CDK5RAP2: variants seen among roughly 807,000 people sequenced by gnomAD.
CDK5RAP2 encodes the protein CDK5 regulatory subunit-associated protein 2.
Under a neutral mutation model 232.9 loss-of-function variants are expected in CDK5RAP2, and 147 were observed. That is an observed-to-expected ratio of 0.63 (90% confidence interval 0.55 to 0.72). The LOEUF (loss-of-function observed/expected upper bound fraction) is 0.72. Ranked by LOEUF, CDK5RAP2 falls within the 30% of genes least tolerant of loss-of-function variation. CDK5RAP2 has a pLI of 0.00. For synonymous variants in CDK5RAP2, 833 were observed against 833.7 expected (o/e 1.00, Z 0.01); for missense variants, 2,195 against 2,231.5 (o/e 0.98, Z 0.33).
intron 2 of CDK5RAP2, chr9:120,571,607 G>A (rs1186301592): frequency 2.9e-6 from 1 of 348,188 alleles, no homozygotes; most frequent in Non-Finnish European, 5.6e-6. Context: ...CTGCCAGGAA[G>A]GCCTTGGCAC....
At position 120,557,617 on chromosome 9, in the gene CDK5RAP2, G is replaced by T. The variant is rs577376115; in HGVS notation, c.196-6715C>A. ...CAAAAAATTTTTTAAAAATTAGCTG[G>T]GTATAGTGGCACACACCTGTAGTCC... On this transcript the variant is annotated intron_variant, in intron 3 of 37. Transcript: ENST00000349780. 1.7e-3 allele frequency among the ~76,000 whole-genome samples: 255 copies of T among 151,968 alleles called. 2 individuals carry two copies. The highest frequency in any genetic ancestry group is 1.3e-3 in the Non-Finnish European group (89 of 67,952).
intron 29 of CDK5RAP2, among the ~76,000 whole-genome samples, chr9:120,410,769 G>A (rs1327162459): frequency 2.0e-5 from 3 of 152,182 alleles, no homozygotes; most frequent in Admixed American, 6.5e-5. Flanking sequence ...CTAGCTCTGT[G>A]ACCACAGGCC....
In CDK5RAP2 at chr9:120,389,336, A is replaced by C. The variant is rs376579425; in HGVS notation, c.5626-44T>G. The C allele has an allele frequency of 1.5e-5, 23 of 1,519,554 alleles. No homozygotes were observed. In the African/African-American group the frequency reaches 2.7e-4, roughly 18 times the overall value. The allele number at this position is 1,519,554 out of a possible 1,614,324, so 94.1% of individuals were successfully genotyped here. ...AAAAGGAGAATTTTAAGTCCAAAGGAGGTTTCTGAAGTAAGACCCCGACAG... is the reference window on the plus strand; with the variant it reads ...AAAAGGAGAATTTTAAGTCCAAAGGCGGTTTCTGAAGTAAGACCCCGACAG... On this transcript the variant is annotated intron_variant, in intron 37 of 37. Coordinates refer to ENST00000349780, the MANE Select transcript of CDK5RAP2 (RefSeq NM_018249.6).
At chr9:120,470,800 G>C (rs2037657987) in intron 16 of CDK5RAP2, among the ~76,000 whole-genome samples, 1 of 149,998 alleles carries the variant, frequency 6.7e-6, no homozygotes, top group Non-Finnish European at 1.5e-5. Context: ...AGGAAGGGGA[G>C]AAGTGGGGGG....
chr9:120,564,357 G>A (rs1306048682), intron 3 of CDK5RAP2, among the ~76,000 whole-genome samples: 1 of 151,960 alleles, frequency 6.6e-6, no homozygotes, highest in Non-Finnish European at 1.5e-5. Context: ...AGGCATGGTG[G>A]CATACGCCTG....
chr9:120,486,545 C>T lies in CDK5RAP2; in HGVS notation c.1626+749G>A, dbSNP rs77429999. ...AGGCAACAGGCTGAACACTGGGATT[C>T]GGAACATGTGCCAGTTCCCTACCCC... On this transcript the variant is annotated intron_variant, in intron 14 of 37. Coordinates refer to ENST00000349780, the MANE Select transcript of CDK5RAP2 (RefSeq NM_018249.6). 3.4e-3 allele frequency among the ~76,000 whole-genome samples: 515 copies of T among 152,102 alleles called. 25 individuals carry two copies. In the East Asian group the frequency reaches 0.085, roughly 25 times the overall value.
At chr9:120,562,505 C>T (rs1319852587) in intron 3 of CDK5RAP2, among the ~76,000 whole-genome samples, 4 of 152,070 alleles carry the variant, frequency 2.6e-5, no homozygotes. Flanking sequence ...CACAGAGCTC[C>T]GTGGAAAGTG....
intron 19 of CDK5RAP2, 70 bp downstream of exon 19, chr9:120,460,502 C>G: frequency 1.4e-6 from 2 of 1,447,180 alleles, no homozygotes; most frequent in Admixed American, 1.7e-5. Flanking sequence ...TGGACTCATT[C>G]CAGACTCGAA....
rs377475939 is a variant in CDK5RAP2, at chr9:120,407,101, C to T, written c.4874G>A (p.Arg1625Lys). ...TCCTTCCTGTGCCTTCTCTGCCCCC[C>T]TTGCCAGCTGTTCCTTGAGCCTGCT... ...LQSRLKEQLA[R>K]GAEKAQEGAL... The change falls in exon 32 of 38, where the codon AGG becomes AAG. Residue 1625 changes from arginine to lysine, a missense_variant. Coordinates refer to ENST00000349780, the MANE Select transcript of CDK5RAP2 (RefSeq NM_018249.6). 2 of 1,614,022 alleles carry T rather than the reference C, an allele frequency of 1.2e-6. No homozygotes were observed. The highest frequency in any genetic ancestry group is 1.3e-5 in the African/African-American group (1 of 74,948).
rs2032721637 is a variant in CDK5RAP2, at chr9:120,398,557, A to G, written c.5451+2185T>C. 2.0e-5 allele frequency among the ~76,000 whole-genome samples: 3 copies of G among 152,146 alleles called. No homozygotes were observed. The South Asian group carries it at 6.2e-4, about 32-fold the overall frequency. On this transcript the variant is annotated intron_variant, in intron 35 of 37. Coordinates refer to ENST00000349780, the MANE Select transcript of CDK5RAP2 (RefSeq NM_018249.6). ...TTCATCTTGCCAAGAATTTTTAGGA[A>G]TTGTTTTCTCATTTTGATTTTTTAT... is the stretch of plus-strand genomic sequence containing the variant.
At chr9:120,404,197 C>T in intron 32 of CDK5RAP2, 84 bp from the exon 33 acceptor site, 1 of 855,756 alleles carries the variant, frequency 1.2e-6, no homozygotes. Flanking sequence ...AGTCAAGCCC[C>T]TCACATTCAC....
At chr9:120,420,201 G>A (rs1286107794) in intron 26 of CDK5RAP2, among the ~76,000 whole-genome samples, 1 of 152,224 alleles carries the variant, frequency 6.6e-6, no homozygotes. Context: ...CCCACAGCAT[G>A]GCTTACAGGG....
intron 28 of CDK5RAP2, 127 bp from the exon 29 acceptor site, chr9:120,411,601 T>C (rs1564183798): frequency 1.7e-5 from 11 of 666,130 alleles, no homozygotes; most frequent in East Asian, 8.1e-5. Context: ...CTGTTAACTA[T>C]GTTAGGAATT....
At chr9:120,450,463 A>C (rs1199667740) in intron 21 of CDK5RAP2, among the ~76,000 whole-genome samples, 2 of 152,232 alleles carry the variant, frequency 1.3e-5, no homozygotes, top group African/African-American at 2.4e-5. Flanking sequence ...ACTAAAAAAA[A>C]ACCCACTGAA....
At chr9:120,489,608 T>C (rs1231154642) in intron 13 of CDK5RAP2, among the ~76,000 whole-genome samples, 1 of 152,182 alleles carries the variant, frequency 6.6e-6, no homozygotes, top group African/African-American at 2.4e-5. Context: ...ACTCTTCTTT[T>C]AAACTTTTTT....
intron 23 of CDK5RAP2, 124 bp downstream of exon 23, chr9:120,443,496 G>C: frequency 1.8e-6 from 2 of 1,137,298 alleles, no homozygotes; most frequent in Non-Finnish European, 2.7e-6. Flanking sequence ...CCATGTGTTA[G>C]ACTGGAATGA....
chr9:120,467,971 C>T lies in CDK5RAP2; in HGVS notation c.1995G>A (p.Lys665=), dbSNP rs776085196. The T allele has an allele frequency of 1.9e-5, 31 of 1,614,000 alleles. No homozygotes were observed. The highest frequency in any genetic ancestry group is 2.2e-5 in the Non-Finnish European group (26 of 1,179,890). Residue 665 remains lysine, a synonymous_variant, in exon 18 of 38, where the codon AAG becomes AAA. Transcript: ENST00000349780. The part of the protein sequence containing the change: ...KKVSDLIQLV[K]ELYTDNQHLK... ...GGTGCTGGTTGTCTGTATACAGCTC[C>T]TTCACTAGCTGTATAAGGTCACTGA... is the stretch of plus-strand genomic sequence containing the variant.
At chr9:120,420,152 G>T (rs1209051414) in intron 26 of CDK5RAP2, among the ~76,000 whole-genome samples, 192 bp from the exon 27 acceptor site, 1 of 152,198 alleles carries the variant, frequency 6.6e-6, no homozygotes, top group Non-Finnish European at 1.5e-5. Flanking sequence ...GTGCGCTTGA[G>T]TTTGAAGCCA....
chr9:120,526,415 G>A (rs1002157076), intron 10 of CDK5RAP2, among the ~76,000 whole-genome samples: 1 of 152,164 alleles, frequency 6.6e-6, no homozygotes, highest in Non-Finnish European at 1.5e-5. Context: ...ACACCTAGAA[G>A]TCTTCCTTCA....
Sources: gnomAD v4.1 joint callset for allele counts (sites outside exome capture counted in the v4.1 genomes callset) on GRCh38, gnomAD v4.1.1 for gene constraint, MANE v1.5 for transcripts, NCBI Gene and HGNC (gene_info 2026-07-23, HGNC 2026-07-21) for gene names.